Variants in TENM2 observed in about 807,000 individuals in gnomAD.
TENM2 encodes teneurin transmembrane protein 2, also known as teneurin-2.
In TENM2, 52 loss-of-function variants were observed where a neutral mutation model predicts 245.2. That is an observed-to-expected ratio of 0.21 (90% CI 0.17 to 0.27). TENM2 has a LOEUF of 0.27. TENM2 is among the 10% of genes least tolerant of loss of function. TENM2 has a pLI of 1.00. For synonymous variants in TENM2, 1,363 were observed against 1,438.9 expected (o/e 0.95, Z 1.19); for missense variants, 3,046 against 3,666.8 (o/e 0.83, Z 4.37).
At chr5:167,832,296 T>C (rs4869076) in intron 2 of TENM2, among the ~76,000 whole-genome samples, 88,517 of 152,142 alleles carry the variant, frequency 0.58, 27,725 homozygotes, top group Non-Finnish European at 0.72. Context: ...TGCTGCCCAA[T>C]GATGAATTAT....
the TENM2 span, among the ~76,000 whole-genome samples, chr5:167,154,649 A>G: frequency 6.6e-6 from 1 of 152,204 alleles, no homozygotes; most frequent in Admixed American, 6.5e-5. Flanking sequence ...ATGCCTGCAA[A>G]TGCAAATCTA....
At chr5:167,876,115 A>G (rs1035315695) in exon 3 of TENM2, 114 of 1,551,458 alleles carry the variant, frequency 7.3e-5, no homozygotes, top group Non-Finnish European at 9.2e-5. Flanking sequence ...CAAATCATGG[A>G]CACCAACCCT....
chr5:167,626,087 A>G (rs945062109), intron 2 of TENM2, among the ~76,000 whole-genome samples: 2 of 152,182 alleles, frequency 1.3e-5, no homozygotes, highest in Non-Finnish European at 1.5e-5. Flanking sequence ...GCCCACATTA[A>G]AGCAGAGAAA....
At chr5:167,115,798 A>T in the TENM2 span, among the ~76,000 whole-genome samples, 1 of 152,212 alleles carries the variant, frequency 6.6e-6, no homozygotes, top group Non-Finnish European at 1.5e-5. Flanking sequence ...TTTAGTAGAG[A>T]TGCTTACCTT....
intron 6 of TENM2, 35 bp downstream of exon 8, chr5:168,047,584 C>G: frequency 1.9e-6 from 3 of 1,546,582 alleles, no homozygotes; most frequent in Non-Finnish European, 2.6e-6. Flanking sequence ...CTCTTGAGGT[C>G]ACAGGAAAAT....
intron 2 of TENM2, among the ~76,000 whole-genome samples, chr5:167,802,328 A>G (rs1468655644): frequency 6.6e-6 from 1 of 152,060 alleles, no homozygotes; most frequent in African/African-American, 2.4e-5. Flanking sequence ...AAAACTAATC[A>G]TATTTTCTTC....
the TENM2 span, among the ~76,000 whole-genome samples, chr5:167,192,895 G>A: frequency 6.6e-6 from 1 of 152,072 alleles, no homozygotes; most frequent in African/African-American, 2.4e-5. Context: ...GAAAAGAAGG[G>A]AAAAGATATT....
intron 2 of TENM2, among the ~76,000 whole-genome samples, chr5:167,528,812 A>C (rs951273440): frequency 4.6e-5 from 7 of 152,134 alleles, no homozygotes; most frequent in African/African-American, 1.7e-4. Flanking sequence ...TAACCTCTTC[A>C]CATCCTTGTC....
intron 8 of TENM2, among the ~76,000 whole-genome samples, chr5:168,093,682 C>T (rs1403121325): frequency 6.6e-6 from 1 of 152,168 alleles, no homozygotes; most frequent in African/African-American, 2.4e-5. Flanking sequence ...AGCACGATGC[C>T]AGCCTCCACT....
At chr5:167,535,575 C>T (rs1003984602) in intron 2 of TENM2, among the ~76,000 whole-genome samples, 2 of 152,108 alleles carry the variant, frequency 1.3e-5, no homozygotes, top group African/African-American at 4.8e-5. Flanking sequence ...ATGACTACAC[C>T]ATCATAAATG....
chr5:167,751,746 C>T (rs558708639), intron 2 of TENM2, among the ~76,000 whole-genome samples: 3 of 152,112 alleles, frequency 2.0e-5, no homozygotes, highest in Middle Eastern at 3.4e-3. Context: ...TTAAGCTTCA[C>T]ATACACATAC....
chr5:166,987,701 G>C, the TENM2 span, among the ~76,000 whole-genome samples: 1 of 151,990 alleles, frequency 6.6e-6, no homozygotes, highest in Admixed American at 6.6e-5. Context: ...AGGATGTGCC[G>C]GTTGCCTGTG....
intron 2 of TENM2, among the ~76,000 whole-genome samples, chr5:167,607,680 G>C (rs1368256898): frequency 6.6e-6 from 1 of 152,138 alleles, no homozygotes; most frequent in Non-Finnish European, 1.5e-5. Flanking sequence ...TTACTGAATT[G>C]TCTTGCATTT....
intron 2 of TENM2, among the ~76,000 whole-genome samples, chr5:167,530,820 G>A (rs1771443814): frequency 6.6e-6 from 1 of 152,180 alleles, no homozygotes; most frequent in Non-Finnish European, 1.5e-5. Context: ...TCCCTCAAAT[G>A]TGAGCCCTGC....
chr5:167,009,687 A>C, the TENM2 span, among the ~76,000 whole-genome samples: 1 of 152,076 alleles, frequency 6.6e-6, no homozygotes, highest in Admixed American at 6.6e-5. Context: ...CATGCACATA[A>C]AAATTTTTTT....
chr5:168,147,543 A>T (rs1004307009), intron 12 of TENM2, among the ~76,000 whole-genome samples: 2 of 152,218 alleles, frequency 1.3e-5, no homozygotes. Flanking sequence ...TTCCAATTTT[A>T]TCTTGAAATT....
At chr5:168,199,164 A>C in intron 16 of TENM2, 50 bp downstream of exon 18, 1 of 1,566,002 alleles carries the variant, frequency 6.4e-7, no homozygotes, top group Non-Finnish European at 8.7e-7. Flanking sequence ...CCTAACGAAA[A>C]CCAACTGGAC....
intron 19 of TENM2, among the ~76,000 whole-genome samples, chr5:168,210,529 C>T (rs983807820): frequency 5.3e-5 from 8 of 152,118 alleles, no homozygotes; most frequent in African/African-American, 1.7e-4. Flanking sequence ...GGCTGCCACC[C>T]TGACACACCA....
chr5:167,462,247 A>C (rs1766361085), intron 2 of TENM2, among the ~76,000 whole-genome samples: 1 of 132,080 alleles, frequency 7.6e-6, no homozygotes, highest in South Asian at 2.4e-4. Flanking sequence ...TTGTGCACTC[A>C]AACCCCTTAC....
Sources: allele counts gnomAD v4.1 joint callset (sites outside exome capture counted in the v4.1 genomes callset), GRCh38; gene constraint gnomAD v4.1.1; transcripts MANE v1.5; gene names NCBI Gene and HGNC (gene_info 2026-07-23, HGNC 2026-07-21).